Variants in MED26 observed in about 807,000 individuals in gnomAD.
MED26 encodes mediator complex subunit 26, also known as mediator of RNA polymerase II transcription subunit 26.
In MED26, 7 loss-of-function variants were observed where a neutral mutation model predicts 43.7. The observed-to-expected ratio is 0.16, with a 90% CI of 0.09 to 0.30. The LOEUF is 0.30. Ranked by LOEUF, MED26 falls within the 10% of genes least tolerant of loss-of-function variation. The probability of loss-of-function intolerance (pLI) is 1.00; values close to 1 mark genes in which losing one functional copy is unlikely to be tolerated. For synonymous variants in MED26, 375 were observed against 371.1 expected, an observed-to-expected ratio of 1.01 and a Z score of -0.12; for missense variants, 784 against 840.6, an observed-to-expected ratio of 0.93 and a Z score of 0.83.
intron 1 of MED26, among the ~76,000 whole-genome samples, chr19:16,589,735 C>T (rs960294886): frequency 2.0e-5 from 3 of 152,188 alleles, no homozygotes; most frequent in Non-Finnish European, 4.4e-5. Context: ...GGGACTTGTA[C>T]ACTTTTCTAG....
chr19:16,578,201 G>A (rs751954141), intron 2 of MED26, 134 bp downstream of exon 2: 4 of 854,470 alleles, frequency 4.7e-6, no homozygotes, highest in South Asian at 4.2e-5. Context: ...GGCACGAGCT[G>A]TGAGGGCACA....
At chr19:16,621,195 C>A (rs753612376) in intron 1 of MED26, among the ~76,000 whole-genome samples, 10 of 152,232 alleles carry the variant, frequency 6.6e-5, no homozygotes, top group Non-Finnish European at 1.2e-4. Context: ...GTGATGGATT[C>A]AGACCCAAGG....
At chr19:16,589,628 C>T (rs888653340) in intron 1 of MED26, among the ~76,000 whole-genome samples, 5 of 151,988 alleles carry the variant, frequency 3.3e-5, no homozygotes, top group Non-Finnish European at 5.9e-5. Context: ...TAGGAGAGGA[C>T]GTTGAAGATG....
rs1356638687 is a variant in MED26, at chr19:16,576,575, G to C, written c.1255C>G (p.Arg419Gly). ...AAGGTGAGCTTCCGCTCTTTTAACC[G>C]GACAGGCTTGACGCCCGCCTCAGCC... ...QVAEAGVKPV[R>G]LKERKLTFDP... Residue 419 changes from arginine to glycine, a missense_variant, in exon 3 of 3, where the codon CGG (arginine) becomes GGG (glycine). Physicochemically the swap from Arg to Gly is moderately radical, Grantham distance 125. Coordinates refer to ENST00000263390, the MANE Select transcript of MED26 (RefSeq NM_004831.5). The surrounding 1 kb of genome is among the most constrained non-coding windows in gnomAD (Gnocchi z 6.8). 6.2e-7 allele frequency: 1 copy of C among 1,614,190 alleles called. No individual in the cohort carries two copies. Among genetic ancestry groups the C allele is most frequent in the South Asian group, 1.1e-5 (1 of 91,082 alleles).
At chr19:16,589,409 C>T (rs992859622) in intron 1 of MED26, 10 of 152,236 alleles carry the variant, frequency 6.6e-5, no homozygotes, top group Non-Finnish European at 1.3e-4. Context: ...AACAGAACAC[C>T]GAATAAATAA....
Position 16,576,309 on chromosome 19 carries a change from A to G in MED26, c.1521T>C (p.Ala507=). 2 of 1,612,880 alleles carry G rather than the reference A, an allele frequency of 1.2e-6. No individual in the cohort carries two copies. Among genetic ancestry groups the G allele is most frequent in the Non-Finnish European group, 1.7e-6 (2 of 1,179,978 alleles). Residue 507 remains alanine (A), a synonymous_variant, in exon 3 of 3, where the codon GCT becomes GCC. Coordinates refer to ENST00000263390, the MANE Select transcript of MED26 (RefSeq NM_004831.5). The surrounding 1 kb of genome is among the most constrained non-coding windows in gnomAD (Gnocchi z 6.8). ...LSSSGAQTPG[A]HHFMSEYLKQ... is the part of the protein sequence containing the mutation. ...TCAGGTACTCAGACATGAAGTGGTG[A>G]GCCCCTGGGGTCTGCGCGCCCGATG...
At chr19:16,588,681 C>T (rs893151037) in intron 1 of MED26, 5 of 152,434 alleles carry the variant, frequency 3.3e-5, no homozygotes, top group Admixed American at 1.3e-4. Flanking sequence ...CACGAGGACC[C>T]GCACACTGCA....
chr19:16,627,825 C>T (rs2086289001), intron 1 of MED26, 47 bp downstream of exon 1: 2 of 1,412,810 alleles, frequency 1.4e-6, no homozygotes, highest in Non-Finnish European at 1.9e-6. Flanking sequence ...GGGGGAGGGT[C>T]CCGGGCCCAT....
Position 16,576,369 on chromosome 19 carries a change from C to A in MED26, c.1461G>T (p.Gln487His), listed in dbSNP as rs1178639581. 6.8e-6 allele frequency: 11 copies of A among 1,614,006 alleles called. No homozygotes were observed. The highest frequency in any genetic ancestry group is 9.3e-6 in the Non-Finnish European group (11 of 1,180,028). ...WKELSRNEII[Q>H]SYLSRQSSLL... ...GGCTGCTCTGCCGGCTCAGGTAGGA[C>A]TGGATGATCTCGTTGCGTGACAGCT... Residue 487 changes from glutamine (Q) to histidine (H), a missense_variant, in exon 3 of 3, where the codon CAG (glutamine) becomes CAT (histidine). By Grantham distance (24) the Gln-to-His change is conservative. Coordinates refer to ENST00000263390, the MANE Select transcript of MED26 (RefSeq NM_004831.5). This position sits in a 1 kb window ranked among gnomAD's most constrained non-coding sequence, Gnocchi z 6.8.
At chr19:16,578,537 C>G in intron 1 of MED26, 128 bp from the exon 2 acceptor site, 1 of 809,960 alleles carries the variant, frequency 1.2e-6, no homozygotes, top group African/African-American at 1.7e-5. Context: ...ACTGAAGCCC[C>G]CACTCCATGT....
rs117165906 is a variant in MED26 at position 16,607,591 on chromosome 19, A to C, written c.72+20281T>G. On this transcript the variant is annotated intron_variant, in intron 1 of 2. Coordinates refer to ENST00000263390, the MANE Select transcript of MED26 (RefSeq NM_004831.5). ...AACCACTGGGCCAGATGAGGTGGTC[A>C]CTTCAACCCCGGAGCCCTGAGAGAA... 1.4e-3 allele frequency among the ~76,000 whole-genome samples: 209 copies of C among 152,316 alleles called. 1 individual carries two copies. The East Asian group carries it at 0.025, about 18-fold the overall frequency.
intron 1 of MED26, among the ~76,000 whole-genome samples, chr19:16,626,004 A>G (rs1366641615): frequency 6.6e-6 from 1 of 152,226 alleles, no homozygotes; most frequent in Non-Finnish European, 1.5e-5. Flanking sequence ...AGGGACCTAT[A>G]TAGCATTTCT....
At chr19:16,620,857 T>A (rs963902804) in intron 1 of MED26, among the ~76,000 whole-genome samples, 1 of 152,170 alleles carries the variant, frequency 6.6e-6, no homozygotes, top group East Asian at 1.9e-4. Flanking sequence ...ATGACTGGAT[T>A]AGGAGTAGGT....
At chr19:16,614,904 C>A (rs2086216537) in intron 1 of MED26, among the ~76,000 whole-genome samples, 1 of 152,214 alleles carries the variant, frequency 6.6e-6, no homozygotes, top group African/African-American at 2.4e-5. Context: ...CCCCACTAAG[C>A]CTGAATTCTT....
At chr19:16,610,153 G>A (rs1053149710) in intron 1 of MED26, among the ~76,000 whole-genome samples, 1 of 151,890 alleles carries the variant, frequency 6.6e-6, no homozygotes, top group African/African-American at 2.4e-5. Flanking sequence ...CCAGCTACTT[G>A]GGAGGCTGAG....
At chr19:16,600,563 A>G (rs2122419629) in intron 1 of MED26, among the ~76,000 whole-genome samples, 1 of 152,146 alleles carries the variant, frequency 6.6e-6, no homozygotes, top group East Asian at 1.9e-4. Context: ...CTAAGCCCCT[A>G]TCAGCTCCCT....
chr19:16,594,402 G>C (rs905630084), intron 1 of MED26, among the ~76,000 whole-genome samples: 17 of 152,258 alleles, frequency 1.1e-4, no homozygotes, highest in African/African-American at 4.1e-4. Flanking sequence ...ACTTCCTGCT[G>C]TGGACCTGAA....
chr19:16,577,150 C>T lies in MED26; in HGVS notation c.680G>A (p.Arg227Gln), dbSNP rs1568278778. Residue 227 changes from arginine (R) to glutamine (Q), a missense_variant, in exon 3 of 3, where the codon CGA becomes CAA. By Grantham distance (43) the Arg-to-Gln change is conservative. Around this residue, in one of 3 missense-constraint regions of MED26, gnomAD observed 719 missense variants for 730.9 expected, o/e 0.98. Coordinates refer to ENST00000263390, the MANE Select transcript of MED26 (RefSeq NM_004831.5). This position sits in a 1 kb window ranked among gnomAD's most constrained non-coding sequence, Gnocchi z 8.1. The part of the protein sequence containing the change: ...HSGKIPVNAV[R>Q]PHTSSPGLGK... ...CAGGCCCGGGGAGCTGGTGTGCGGT[C>T]GCACGGCGTTGACGGGGATCTTGCC... 1.8e-5 allele frequency: 29 copies of T among 1,613,182 alleles called. No individual in the cohort carries two copies. Among genetic ancestry groups the T allele is most frequent in the East Asian group, 4.5e-5 (2 of 44,890 alleles).
chr19:16,628,075 C>G lies in MED26; in HGVS notation c.-132G>C, dbSNP rs574687735. ...CCCCGCGGCGCCGGGGGGTTGGGGG[C>G]GCGCGGGGTGGCGGAGAGGGGAGCC... On this transcript the variant is annotated 5_prime_UTR_variant, in exon 1 of 3. Transcript: ENST00000263390. 3 of 445,856 alleles carry G rather than the reference C, an allele frequency of 6.7e-6. No homozygotes were observed. The highest frequency in any genetic ancestry group is 6.2e-5 in the African/African-American group (3 of 48,670). The allele number at this position is 445,856 out of a possible 1,614,324, so 27.6% of individuals were successfully genotyped here.
Sources: gnomAD v4.1 joint callset for allele counts (sites outside exome capture counted in the v4.1 genomes callset) on GRCh38, gnomAD v4.1.1 for gene constraint, gnomAD v4.1.1 regional missense constraint, Gnocchi (gnomAD v3.1) non-coding constraint, MANE v1.5 for transcripts, NCBI Gene and HGNC (gene_info 2026-07-23, HGNC 2026-07-21) for gene names.